TWIST1: variants seen among roughly 807,000 people sequenced by gnomAD.
TWIST1 encodes the protein twist-related protein 1.
TWIST1 carries 8 observed loss-of-function variants against 12.9 expected under a neutral mutation model. The ratio of observed to expected loss-of-function variants is 0.62; its 90% CI spans 0.37 to 1.12. The LOEUF (loss-of-function observed/expected upper bound fraction) is 1.12. TWIST1 is among the 50% of genes most tolerant of loss of function. The pLI is 0.02. For synonymous variants in TWIST1, 169 were observed against 138.7 expected (o/e 1.22, Z -1.54); for missense variants, 268 against 299.7 (o/e 0.89, Z 0.78).
rs925739879 is a variant in TWIST1, at chr7:19,116,722, C to T, written c.600G>A (p.Ala200=). ...TGGGGGGCTCCGCCTGCTAGTGGGA[C>T]GCGGACATGGACCAGGCCCCCTCCA... is the stretch of plus-strand genomic sequence containing the variant. The part of the protein sequence containing the change: ...WRMEGAWSMS[A]SH Residue 200 remains alanine (A), a synonymous_variant, in exon 1 of 2, where the codon GCG becomes GCA. Coordinates refer to ENST00000242261, the MANE Select transcript of TWIST1 (RefSeq NM_000474.4). The T allele has an allele frequency of 1.2e-6, 2 of 1,607,684 alleles. No individual in the cohort carries two copies.
chr7:19,117,229 G>A lies in TWIST1; in HGVS notation c.93C>T (p.Ser31=). The A allele has an allele frequency of 7.1e-7, 1 of 1,414,448 alleles. No homozygotes were observed. The highest frequency in any genetic ancestry group is 9.3e-7 in the Non-Finnish European group (1 of 1,080,710). The allele number at this position is 1,414,448 out of a possible 1,614,324, so 87.6% of individuals were successfully genotyped here. ...EEEPDRQQPP[S]GKRGGRKRRS... ...GCCGCTTGCGTCCCCCGCGCTTGCCGCTCGGCGGCTGCTGCCGGTCTGGCT... is the reference window on the plus strand; with the variant it reads ...GCCGCTTGCGTCCCCCGCGCTTGCCACTCGGCGGCTGCTGCCGGTCTGGCT... The change falls in exon 1 of 2, where the codon AGC becomes AGT. Residue 31 remains serine (S), a synonymous_variant. Coordinates refer to ENST00000242261, the MANE Select transcript of TWIST1 (RefSeq NM_000474.4).
At position 19,117,245 on chromosome 7, in the gene TWIST1, C is replaced by G. The variant is rs1171762153; in HGVS notation, c.77G>C (p.Arg26Pro). Residue 26 changes from arginine to proline, a missense_variant, in exon 1 of 2, where the codon CGG becomes CCG. This residue lies in a region of TWIST1 where 189 missense variants were observed against 172.1 expected (regional missense o/e 1.10). Transcript: ENST00000242261. ...SLSNSEEEPD[R>P]QQPPSGKRGG... ...GCGCTTGCCGCTCGGCGGCTGCTGC[C>G]GGTCTGGCTCTTCCTCGCTGTTGCT... is the stretch of plus-strand genomic sequence containing the variant. 3 of 1,433,244 alleles carry G rather than the reference C, an allele frequency of 2.1e-6. No individual in the cohort carries two copies. The highest frequency in any genetic ancestry group is 2.7e-6 in the Non-Finnish European group (3 of 1,092,290). The allele number at this position is 1,433,244 out of a possible 1,614,324, so 88.8% of individuals were successfully genotyped here.
chr7:19,116,468 C>A (rs946644286), intron 1 of TWIST1, among the ~76,000 whole-genome samples: 1 of 152,190 alleles, frequency 6.6e-6, no homozygotes, highest in Non-Finnish European at 1.5e-5. Context: ...CAGGGCGCAT[C>A]CCCCTGGAGA....
Position 19,117,540 on chromosome 7 carries a change from G to C in TWIST1, c.-219C>G. ...GAGGGGACGGTGTGGATGGCCCCGA[G>C]GTCCAAAAAGAAAGCGCCCAACGGC... On this transcript the variant is annotated 5_prime_UTR_variant, in exon 1 of 2. Transcript: ENST00000242261. 1 of 1,157,344 alleles carries C rather than the reference G, an allele frequency of 8.6e-7. No homozygotes were observed. Among genetic ancestry groups the C allele is most frequent in the Non-Finnish European group, 1.1e-6 (1 of 930,798 alleles). The allele number at this position is 1,157,344 out of a possible 1,614,324, so 71.7% of individuals were successfully genotyped here. A position where few individuals can be genotyped will look rare whatever the true frequency, so the allele number is the denominator to read the frequency against.
At chr7:19,113,193 A>G (rs1295227326), downstream of TWIST1, 1 of 152,240 alleles carries the variant, frequency 6.6e-6, no homozygotes, top group African/African-American at 2.4e-5. Flanking sequence ...CTGCTTTCTT[A>G]TAACTAAAGG....
In TWIST1 at chr7:19,117,045, T is replaced by C. The variant is rs925811677; in HGVS notation, c.277A>G (p.Ser93Gly). 6.3e-4 allele frequency: 911 copies of C among 1,443,608 alleles called. 1 individual carries two copies. The highest frequency in any genetic ancestry group is 7.6e-4 in the Non-Finnish European group (848 of 1,109,448). The allele number at this position is 1,443,608 out of a possible 1,614,324, so 89.4% of individuals were successfully genotyped here. A position where few individuals can be genotyped will look rare whatever the true frequency, so the allele number is the denominator to read the frequency against. ...TGCGGACTCCCGCCGCCGCTGCTGCTGCCGCCGCCGCCGCCCGCGCCGCCG... is the reference window on the plus strand; with the variant it reads ...TGCGGACTCCCGCCGCCGCTGCTGCCGCCGCCGCCGCCGCCCGCGCCGCCG... ...GGGGAGGGGG[S>G]SSGGGSPQSY... The change falls in exon 1 of 2, where the codon AGC (serine) becomes GGC (glycine). Residue 93 changes from serine (S) to glycine (G), a missense_variant. Around this residue, in one of 2 missense-constraint regions of TWIST1, gnomAD observed 189 missense variants for 172.1 expected, o/e 1.10. Transcript: ENST00000242261.
chr7:19,113,516 A>C (rs549696656), downstream of TWIST1: 2 of 152,354 alleles, frequency 1.3e-5, no homozygotes, highest in Admixed American at 1.3e-4. Context: ...TTTCTATTCT[A>C]AAAAAGAATT....
chr7:19,114,245 AAT>A (rs1446566237), downstream of TWIST1: 1 of 152,214 alleles, frequency 6.6e-6, no homozygotes, highest in East Asian at 1.9e-4. Flanking sequence ...CTTATTGTAA[AAT>A]ATAGTCTGAA....
rs1788559170 is a variant in TWIST1, at chr7:19,116,114, C to T, written c.*60G>A. On this transcript the variant is annotated 3_prime_UTR_variant, in exon 2 of 2. Transcript: ENST00000242261. ...TCTCTAGACTGTCCATTTTCTCCTT[C>T]TCTGGAAACAATGACATCTGCAAAA... The T allele has an allele frequency of 6.8e-6, 1 of 147,990 alleles. No homozygotes were observed. The highest frequency in any genetic ancestry group is 2.2e-4 in the South Asian group (1 of 4,596). 9.2% of individuals were successfully genotyped at this position (147,990 alleles called of 1,614,324 possible).
At chr7:19,113,506 T>C (rs1367015559), downstream of TWIST1, 2 of 152,208 alleles carry the variant, frequency 1.3e-5, no homozygotes, top group Non-Finnish European at 2.9e-5. Flanking sequence ...GGTGGCTTCA[T>C]TTCTATTCTA....
chr7:19,114,019 G>A (rs1788519027), downstream of TWIST1: 1 of 152,000 alleles, frequency 6.6e-6, no homozygotes, highest in South Asian at 2.1e-4. Context: ...ATACAAAAAA[G>A]AATTACCAAC....
Position 19,117,274 on chromosome 7 carries a change from G to C in TWIST1, c.48C>G (p.Ser16Arg). ...SSSPVSPADDSLSNSEEEPDR... is the reference protein window; with the variant it reads ...SSSPVSPADDRLSNSEEEPDR... The stretch of plus-strand genomic sequence containing the variant: ...CTGGCTCTTCCTCGCTGTTGCTCAG[G>C]CTGTCGTCGGCCGGCGAGACTGGCG... Residue 16 changes from serine (S) to arginine (R), a missense_variant, in exon 1 of 2, where the codon AGC becomes AGG. By Grantham distance (110) the Ser-to-Arg change is moderately radical (BLOSUM62 -1). Around this residue, in one of 2 missense-constraint regions of TWIST1, gnomAD observed 189 missense variants for 172.1 expected, o/e 1.10. Transcript: ENST00000242261. 6.8e-7 allele frequency: 1 copy of C among 1,475,116 alleles called. No homozygotes were observed. The highest frequency in any genetic ancestry group is 1.3e-5 in the South Asian group (1 of 79,166). 91.4% of individuals were successfully genotyped at this position (1,475,116 alleles called of 1,614,324 possible). A position where few individuals can be genotyped will look rare whatever the true frequency, so the allele number is the denominator to read the frequency against.
At chr7:19,113,825 A>C (rs1229229146), downstream of TWIST1, 1 of 152,194 alleles carries the variant, frequency 6.6e-6, no homozygotes, top group Non-Finnish European at 1.5e-5. Flanking sequence ...ATGGAGAGCT[A>C]CCTTTCTTTG....
downstream of TWIST1, among the ~76,000 whole-genome samples, chr7:19,114,754 A>G (rs1210233581): frequency 6.6e-6 from 1 of 152,208 alleles, no homozygotes; most frequent in Non-Finnish European, 1.5e-5. Flanking sequence ...AACTGTGATT[A>G]TATCCAGTTA....
At position 19,117,155 on chromosome 7, in the gene TWIST1, G is replaced by A. The variant is rs1372366604; in HGVS notation, c.167C>T (p.Ala56Val). The change falls in exon 1 of 2, where the codon GCG becomes GTG. Residue 56 changes from alanine to valine, a missense_variant. Transcript: ENST00000242261. ...GTCGCCGCCTCCGACGCCCCCACCC[G>A]CGGCTCCGCCGGGCCCCGCGCCGCC... ...AGGGAGPGGA[A>V]GGGVGGGDEP... The A allele has an allele frequency of 5.9e-5, 64 of 1,081,646 alleles. No homozygotes were observed. Among genetic ancestry groups the A allele is most frequent in the Non-Finnish European group, 6.5e-5 (58 of 893,686 alleles). 67.0% of individuals were successfully genotyped at this position (1,081,646 alleles called of 1,614,324 possible). A position where few individuals can be genotyped will look rare whatever the true frequency, so the allele number is the denominator to read the frequency against.
chr7:19,113,406 CTA>C (rs1788508818), downstream of TWIST1: 1 of 152,144 alleles, frequency 6.6e-6, no homozygotes, highest in Non-Finnish European at 1.5e-5. Flanking sequence ...GTAATTCATT[CTA>C]TGTGTTCTTT....
rs910807262 is a variant in TWIST1 at position 19,117,450 on chromosome 7, G to A, written c.-129C>T. 17 of 1,196,744 alleles carry A rather than the reference G, an allele frequency of 1.4e-5. No homozygotes were observed. Among genetic ancestry groups the A allele is most frequent in the Non-Finnish European group, 1.8e-5 (17 of 960,838 alleles). The allele number at this position is 1,196,744 out of a possible 1,614,324, so 74.1% of individuals were successfully genotyped here. A position where few individuals can be genotyped will look rare whatever the true frequency, so the allele number is the denominator to read the frequency against. ...GCGGCCCGCGGAGGAGAGAGCAGGA[G>A]GACGGACGGGAGGGACCTCCGCGGG... On this transcript the variant is annotated 5_prime_UTR_variant, in exon 1 of 2. Transcript: ENST00000242261.
rs1256066594 is a variant in TWIST1, at chr7:19,117,373, G to C, written c.-52C>G. The C allele has an allele frequency of 1.5e-6, 2 of 1,373,584 alleles. No homozygotes were observed. The highest frequency in any genetic ancestry group is 1.5e-5 in the South Asian group (1 of 67,112). 85.1% of individuals were successfully genotyped at this position (1,373,584 alleles called of 1,614,324 possible). A position where few individuals can be genotyped will look rare whatever the true frequency, so the allele number is the denominator to read the frequency against. On this transcript the variant is annotated 5_prime_UTR_variant, in exon 1 of 2. Transcript: ENST00000242261. ...CGGGCCCGGGGCAGAGGAGAAGAGC[G>C]GGGCGCCTCAGCCCGCCAGCTTCCC...
chr7:19,114,720 A>G (rs554436517), downstream of TWIST1, among the ~76,000 whole-genome samples: 22 of 152,344 alleles, frequency 1.4e-4, no homozygotes, highest in Non-Finnish European at 2.4e-4. Flanking sequence ...GCATAGCTGT[A>G]GTATTTAAAA....
Sources: gnomAD v4.1 joint callset for allele counts (sites outside exome capture counted in the v4.1 genomes callset) on GRCh38, gnomAD v4.1.1 for gene constraint, gnomAD v4.1.1 regional missense constraint, MANE v1.5 for transcripts, NCBI Gene and HGNC (gene_info 2026-07-23, HGNC 2026-07-21) for gene names.